Variants in KCNH1 observed in about 807,000 individuals in gnomAD.
The protein encoded by KCNH1 is voltage-gated delayed rectifier potassium channel KCNH1.
KCNH1 carries 27 observed loss-of-function variants against 69.2 expected under a neutral mutation model. That is an observed-to-expected ratio of 0.39 (90% confidence interval 0.29 to 0.54). The LOEUF (loss-of-function observed/expected upper bound fraction) is 0.54, where lower values mean the gene tolerates loss of function less well. Ranked by LOEUF, KCNH1 falls within the 20% of genes least tolerant of loss-of-function variation. The pLI is 0.68. For synonymous variants in KCNH1, 456 were observed against 487.7 expected (o/e 0.93, Z 0.86); for missense variants, 798 against 1,261.6 (o/e 0.63, Z 5.57).
chr1:210,786,787 G>A (rs1279738014), intron 9 of KCNH1, among the ~76,000 whole-genome samples: 1 of 152,168 alleles, frequency 6.6e-6, no homozygotes, highest in Non-Finnish European at 1.5e-5. Flanking sequence ...TCCCAGTGAA[G>A]TCATCCAAGT....
Position 210,836,686 on chromosome 1 carries a change from A to C in KCNH1, c.1463-32520T>G, listed in dbSNP as rs113920404. 2.4e-3 allele frequency among the ~76,000 whole-genome samples: 359 copies of C among 152,276 alleles called. 5 individuals are homozygous for C. Among genetic ancestry groups the C allele is most frequent in the African/African-American group, 8.2e-3 (339 of 41,544 alleles). On this transcript the variant is annotated intron_variant, in intron 7 of 10. Transcript: ENST00000271751. ...AAATATATGGCGTCTCTCCTCATGGAGCTGGGGTCTCATAGGAGAGAGAGG... is the reference window on the plus strand; with the variant it reads ...AAATATATGGCGTCTCTCCTCATGGCGCTGGGGTCTCATAGGAGAGAGAGG...
intron 7 of KCNH1, among the ~76,000 whole-genome samples, chr1:210,889,335 C>T (rs115729367): frequency 1.6e-3 from 251 of 152,192 alleles, no homozygotes; most frequent in African/African-American, 5.8e-3. Context: ...GCAAAAAAGG[C>T]CTTCGATAAG....
chr1:211,103,470 T>G, intron 3 of KCNH1, 26 bp downstream of exon 3: 1 of 1,372,122 alleles, frequency 7.3e-7, no homozygotes, highest in South Asian at 1.2e-5. Context: ...CATAAAGGTA[T>G]GGTTCAGAAT....
chr1:210,978,469 CCT>C (rs1450867299), intron 6 of KCNH1, among the ~76,000 whole-genome samples: 9 of 152,018 alleles, frequency 5.9e-5, no homozygotes, highest in African/African-American at 9.7e-5. Flanking sequence ...GCTTTTTTTT[CCT>C]CTGAGTGTGA....
intron 7 of KCNH1, among the ~76,000 whole-genome samples, chr1:210,805,614 A>G (rs61827577): frequency 0.17 from 25,186 of 152,226 alleles, 2,748 homozygotes; most frequent in Non-Finnish European, 0.25. Flanking sequence ...TTCATACACC[A>G]TAAAATGTAT....
chr1:210,846,616 C>T (rs1193374774), intron 7 of KCNH1, among the ~76,000 whole-genome samples: 1 of 152,220 alleles, frequency 6.6e-6, no homozygotes, highest in African/African-American at 2.4e-5. Context: ...AGACCTACAA[C>T]CATAAAAACC....
chr1:211,054,687 A>G (rs1001389767), intron 5 of KCNH1, among the ~76,000 whole-genome samples: 1 of 152,232 alleles, frequency 6.6e-6, no homozygotes, highest in Non-Finnish European at 1.5e-5. Flanking sequence ...TTGCGCTAGA[A>G]GCAGTTAAAG....
rs1687412398 is a variant in KCNH1, at chr1:210,919,337, G to A, written c.1462+303C>T. The A allele has an allele frequency of 3.6e-6, 1 of 278,424 alleles. No homozygotes were observed. The highest frequency in any genetic ancestry group is 2.1e-5 in the African/African-American group (1 of 47,088). The allele number at this position is 278,424 out of a possible 1,614,324, so 17.2% of individuals were successfully genotyped here. A position where few individuals can be genotyped will look rare whatever the true frequency, so the allele number is the denominator to read the frequency against. On this transcript the variant is annotated intron_variant, in intron 7 of 10. Transcript: ENST00000271751. The surrounding 1 kb of genome is among the most constrained non-coding windows in gnomAD (Gnocchi z 4.2). Reference sequence around the variant, plus strand: ...ATTTTAAGTTTATAAAAATCTATATGTATTCAGATATGCAAAGAAAATAGT... The same window carrying A: ...ATTTTAAGTTTATAAAAATCTATATATATTCAGATATGCAAAGAAAATAGT...
chr1:210,742,322 CCCTTCATT>C (rs1175531094), intron 10 of KCNH1, among the ~76,000 whole-genome samples: 1 of 152,154 alleles, frequency 6.6e-6, no homozygotes, highest in Non-Finnish European at 1.5e-5. Context: ...TCAAAGGATT[CCCTTCATT>C]CCTTCATTCA....
intron 6 of KCNH1, 62 bp from the exon 7 acceptor site, chr1:210,920,131 C>T (rs118014317): frequency 6.5e-5 from 94 of 1,452,516 alleles, no homozygotes; most frequent in East Asian, 9.2e-5. Context: ...TCGTCCCCTC[C>T]GCCCCACTTG....
At chr1:210,735,417 AGT>A (rs1171327261) in intron 10 of KCNH1, among the ~76,000 whole-genome samples, 42 of 116,060 alleles carry the variant, frequency 3.6e-4, no homozygotes, top group Non-Finnish European at 4.8e-4. Flanking sequence ...TGAATGAGTG[AGT>A]GAGTGTGTGT....
intron 6 of KCNH1, among the ~76,000 whole-genome samples, chr1:211,006,218 C>G (rs921670352): frequency 6.6e-6 from 1 of 152,116 alleles, no homozygotes; most frequent in South Asian, 2.1e-4. Flanking sequence ...TATACATACA[C>G]GTATAGCCCA....
At chr1:210,883,618 G>T (rs1289889423) in intron 7 of KCNH1, among the ~76,000 whole-genome samples, 2 of 152,218 alleles carry the variant, frequency 1.3e-5, no homozygotes, top group Non-Finnish European at 2.9e-5. Context: ...AGCCAGCCTG[G>T]CTTAAAGTGC....
chr1:210,996,147 G>T (rs369171416), intron 6 of KCNH1, among the ~76,000 whole-genome samples: 1 of 152,074 alleles, frequency 6.6e-6, no homozygotes, highest in African/African-American at 2.4e-5. Context: ...CAGAACAGTG[G>T]GTGCACTGCA....
At chr1:210,963,898 T>A (rs1357580896) in intron 6 of KCNH1, among the ~76,000 whole-genome samples, 2 of 151,992 alleles carry the variant, frequency 1.3e-5, no homozygotes, top group Admixed American at 6.6e-5. Flanking sequence ...ACTCCCCCAA[T>A]AGAGCAAGAC....
At chr1:211,132,406 T>G (rs1302299088) in intron 1 of KCNH1, among the ~76,000 whole-genome samples, 1 of 152,300 alleles carries the variant, frequency 6.6e-6, no homozygotes, top group South Asian at 2.1e-4. Context: ...GACTGTGACC[T>G]TGACCTAAAA....
chr1:210,683,705 T>C lies in KCNH1; in HGVS notation c.2546A>G (p.Asp849Gly), dbSNP rs1182837140. 13 of 1,614,198 alleles carry C rather than the reference T, an allele frequency of 8.1e-6. No individual in the cohort carries two copies. The highest frequency in any genetic ancestry group is 1.3e-5 in the African/African-American group (1 of 75,064). ...RFKDACGKSE[D>G]WNKVSKAESM... is the part of the protein sequence containing the mutation. Reference sequence around the variant, plus strand: ...CTCAGCCTTGGACACCTTGTTCCAGTCCTCACTCTTCCCGCAAGCATCTTT... The same window carrying C: ...CTCAGCCTTGGACACCTTGTTCCAGCCCTCACTCTTCCCGCAAGCATCTTT... The change falls in exon 11 of 11, where the codon GAC becomes GGC. Residue 849 changes from aspartate to glycine, a missense_variant. Physicochemically the swap from Asp to Gly is moderately conservative, Grantham distance 94. Transcript: ENST00000271751. The surrounding 1 kb of genome is among the most constrained non-coding windows in gnomAD (Gnocchi z 5.7).
intron 9 of KCNH1, among the ~76,000 whole-genome samples, chr1:210,778,688 G>C (rs1683912829): frequency 6.6e-6 from 1 of 152,182 alleles, no homozygotes; most frequent in African/African-American, 2.4e-5. Flanking sequence ...ATTTTCCTCT[G>C]GAAGTGTCTT....
At chr1:210,896,288 C>A (rs537410010) in intron 7 of KCNH1, among the ~76,000 whole-genome samples, 1 of 151,624 alleles carries the variant, frequency 6.6e-6, no homozygotes, top group Non-Finnish European at 1.5e-5. Flanking sequence ...CATCAATGTA[C>A]GGGATCTTTA....
Sources: allele counts gnomAD v4.1 joint callset (sites outside exome capture counted in the v4.1 genomes callset), GRCh38; gene constraint gnomAD v4.1.1; non-coding constraint Gnocchi (gnomAD v3.1); transcripts MANE v1.5; gene names NCBI Gene and HGNC (gene_info 2026-07-23, HGNC 2026-07-21).